ZNF423: variants seen among roughly 807,000 people sequenced by gnomAD.
The protein encoded by ZNF423 is zinc finger protein 423.
Under a neutral mutation model 95.8 loss-of-function variants are expected in ZNF423, and 12 were observed. The observed-to-expected ratio is 0.13, with a 90% CI of 0.08 to 0.20. The LOEUF (loss-of-function observed/expected upper bound fraction) is 0.20. Among genes scored for constraint, ZNF423 ranks in the 10% least tolerant of loss-of-function variants. The pLI, the probability that ZNF423 is intolerant of heterozygous loss-of-function variation, is 1.00. For missense variants in ZNF423, 1,316 were observed against 1,737.1 expected, an observed-to-expected ratio of 0.76 and a Z score of 4.31; for synonymous variants, 749 against 711.9, an observed-to-expected ratio of 1.05 and a Z score of -0.83.
At chr16:49,685,101 G>A (rs2031513816) in intron 3 of ZNF423, among the ~76,000 whole-genome samples, 1 of 152,140 alleles carries the variant, frequency 6.6e-6, no homozygotes, top group Admixed American at 6.5e-5. Flanking sequence ...CGGGCATCCG[G>A]CAGCCCAGCC....
intron 1 of ZNF423, among the ~76,000 whole-genome samples, chr16:49,811,466 A>G (rs2034751869): frequency 6.6e-6 from 1 of 152,112 alleles, no homozygotes; most frequent in Non-Finnish European, 1.5e-5. Flanking sequence ...TGTGCTTAGC[A>G]GGGTCCCATT....
intron 7 of ZNF423, among the ~76,000 whole-genome samples, chr16:49,511,268 C>T (rs1385110033): frequency 6.6e-6 from 1 of 152,222 alleles, no homozygotes; most frequent in Non-Finnish European, 1.5e-5. Flanking sequence ...CTGCATGCAG[C>T]CTCCATGTCA....
intron 2 of ZNF423, among the ~76,000 whole-genome samples, chr16:49,776,756 C>T (rs967961059): frequency 2.0e-5 from 3 of 152,208 alleles, no homozygotes; most frequent in Non-Finnish European, 4.4e-5. Context: ...CAGCACTGGG[C>T]CCAAGTGCAG....
intron 1 of ZNF423, among the ~76,000 whole-genome samples, chr16:49,830,372 G>A (rs748410260): frequency 5.9e-5 from 9 of 152,108 alleles, no homozygotes; most frequent in African/African-American, 1.9e-4. Flanking sequence ...AGAGACAGCC[G>A]CTCACACAAG....
chr16:49,577,648 G>A (rs1482776975), intron 5 of ZNF423, among the ~76,000 whole-genome samples: 1 of 152,182 alleles, frequency 6.6e-6, no homozygotes, highest in African/African-American at 2.4e-5. Context: ...AGGAGAGCAA[G>A]GCCAGGAGGT....
intron 5 of ZNF423, among the ~76,000 whole-genome samples, chr16:49,548,712 C>G (rs991960749): frequency 6.6e-6 from 1 of 152,128 alleles, no homozygotes; most frequent in African/African-American, 2.4e-5. Context: ...CCCCTGACAT[C>G]GAACCAATGA....
At chr16:49,687,022 A>C (rs1309331532) in intron 3 of ZNF423, among the ~76,000 whole-genome samples, 1 of 151,874 alleles carries the variant, frequency 6.6e-6, no homozygotes, top group East Asian at 1.9e-4. Flanking sequence ...GGGTGTACAG[A>C]AGAACCAGAT....
chr16:49,775,421 T>G (rs2034104595), intron 2 of ZNF423, among the ~76,000 whole-genome samples: 1 of 152,182 alleles, frequency 6.6e-6, no homozygotes, highest in Non-Finnish European at 1.5e-5. Context: ...CAACTATTAT[T>G]TGAGCTCCCC....
intron 5 of ZNF423, among the ~76,000 whole-genome samples, chr16:49,540,973 T>A (rs901962651): frequency 6.6e-6 from 1 of 152,080 alleles, no homozygotes; most frequent in African/African-American, 2.4e-5. Flanking sequence ...AGAAAACACC[T>A]CCCCAACTTC....
At chr16:49,499,331 G>A (rs1419288601) in intron 7 of ZNF423, among the ~76,000 whole-genome samples, 1 of 152,238 alleles carries the variant, frequency 6.6e-6, no homozygotes, top group Non-Finnish European at 1.5e-5. Flanking sequence ...AGCAGGAGAT[G>A]AGTGTTGCAA....
At chr16:49,818,185 G>A (rs868828037) in intron 1 of ZNF423, among the ~76,000 whole-genome samples, 58 of 152,124 alleles carry the variant, frequency 3.8e-4, no homozygotes, top group African/African-American at 1.1e-3. Flanking sequence ...AGAATGGATC[G>A]CATGATAGCA....
intron 5 of ZNF423, among the ~76,000 whole-genome samples, chr16:49,581,638 G>T (rs188508940): frequency 6.6e-6 from 1 of 152,304 alleles, no homozygotes; most frequent in East Asian, 1.9e-4. Flanking sequence ...TTGATGGAAT[G>T]ATATTTAAGT....
chr16:49,725,901 C>G (rs1469809862), intron 3 of ZNF423, among the ~76,000 whole-genome samples: 2 of 152,220 alleles, frequency 1.3e-5, no homozygotes, highest in Non-Finnish European at 2.9e-5. Flanking sequence ...ACTCAGAGAT[C>G]AGGGAACGGA....
At chr16:49,789,623 G>A (rs2034378956) in intron 1 of ZNF423, 77 bp from the exon 2 acceptor site, 7 of 1,446,532 alleles carry the variant, frequency 4.8e-6, no homozygotes, top group Non-Finnish European at 6.5e-6. Context: ...GGGCGAGGAA[G>A]AAGGAACATT....
chr16:49,853,942 C>G, intron 1 of ZNF423: 4 of 985,416 alleles, frequency 4.1e-6, no homozygotes, highest in Non-Finnish European at 4.8e-6. Context: ...TTTTTCCAAC[C>G]AGAAATTCCA....
chr16:49,661,217 CAAAAAAA>C (rs397959711), intron 3 of ZNF423, among the ~76,000 whole-genome samples: 1 of 97,798 alleles, frequency 1.0e-5, no homozygotes. Context: ...GACTTCATCT[CAAAAAAA>C]AAAAAAAAAA....
intron 2 of ZNF423, among the ~76,000 whole-genome samples, chr16:49,787,752 G>A (rs1555485984): frequency 6.6e-6 from 1 of 152,090 alleles, no homozygotes; most frequent in Non-Finnish European, 1.5e-5. Context: ...CACCCTCCTT[G>A]CACGCCACTG....
chr16:49,724,208 A>C (rs953819443), intron 3 of ZNF423, among the ~76,000 whole-genome samples: 5 of 152,150 alleles, frequency 3.3e-5, no homozygotes, highest in Admixed American at 6.5e-5. Context: ...TGTCCTCTCC[A>C]TGCCGTTTGA....
intron 3 of ZNF423, chr16:49,664,283 G>C (rs2030416110): frequency 1.0e-6 from 1 of 985,672 alleles, no homozygotes; most frequent in Admixed American, 6.1e-5. Context: ...AGAAGGATGG[G>C]CCGAGGGTGT....
Sources: gnomAD v4.1 joint callset for allele counts (sites outside exome capture counted in the v4.1 genomes callset) on GRCh38, gnomAD v4.1.1 for gene constraint, MANE v1.5 for transcripts, NCBI Gene and HGNC (gene_info 2026-07-23, HGNC 2026-07-21) for gene names.